Variants in TPST1 observed in about 807,000 individuals in gnomAD.
The protein encoded by TPST1 is protein-tyrosine sulfotransferase 1.
Under a neutral mutation model 34.8 loss-of-function variants are expected in TPST1, and 20 were observed. The observed-to-expected ratio is 0.57, with a 90% confidence interval of 0.40 to 0.84. TPST1 has a LOEUF of 0.84. TPST1 is among the 40% of genes least tolerant of loss of function. The pLI is 0.00. For synonymous variants in TPST1, 152 were observed against 159.4 expected, an observed-to-expected ratio of 0.95 and a Z score of 0.35; for missense variants, 353 against 455.5, an observed-to-expected ratio of 0.78 and a Z score of 2.05.
chr7:66,325,363 C>A (rs902181029), intron 3 of TPST1, among the ~76,000 whole-genome samples: 4 of 152,126 alleles, frequency 2.6e-5, no homozygotes, highest in Non-Finnish European at 5.9e-5. Context: ...CTAACCATAT[C>A]ACTACCATTT....
At chr7:66,210,967 T>A (rs1789229292) in intron 1 of TPST1, among the ~76,000 whole-genome samples, 1 of 152,000 alleles carries the variant, frequency 6.6e-6, no homozygotes, top group South Asian at 2.1e-4. Flanking sequence ...AGACCGTCTG[T>A]CTGTCTGCCA....
chr7:66,272,153 GATATTCTACAAGAAAAGAA>G (rs896138753), intron 2 of TPST1, among the ~76,000 whole-genome samples: 1 of 151,970 alleles, frequency 6.6e-6, no homozygotes, highest in Non-Finnish European at 1.5e-5. Context: ...AAAAAGTATT[GATATTCTACAAGAAAAGAA>G]AATTAGAAGC....
upstream of TPST1, among the ~76,000 whole-genome samples, chr7:66,203,254 G>T (rs570024697): frequency 6.6e-5 from 10 of 150,898 alleles, no homozygotes; most frequent in East Asian, 2.0e-3. Flanking sequence ...TTTTTTTTGG[G>T]TGAGAGGCAA....
At chr7:66,278,968 G>T (rs578166259) in intron 2 of TPST1, among the ~76,000 whole-genome samples, 12 of 152,210 alleles carry the variant, frequency 7.9e-5, no homozygotes, top group African/African-American at 2.9e-4. Flanking sequence ...GGGAGTACAT[G>T]CACAGGTTTG....
chr7:66,350,881 A>G (rs1792463629), intron 3 of TPST1, among the ~76,000 whole-genome samples: 1 of 152,180 alleles, frequency 6.6e-6, no homozygotes, highest in African/African-American at 2.4e-5. Context: ...TACTTAAATG[A>G]TATATGTGTA....
chr7:66,325,357 C>T (rs1447188310), intron 3 of TPST1, among the ~76,000 whole-genome samples: 2 of 152,118 alleles, frequency 1.3e-5, no homozygotes, highest in Non-Finnish European at 2.9e-5. Context: ...CAAAGCCTAA[C>T]CATATCACTA....
At chr7:66,355,489 A>T (rs1012756747) in intron 4 of TPST1, among the ~76,000 whole-genome samples, 10 of 151,956 alleles carry the variant, frequency 6.6e-5, no homozygotes, top group Non-Finnish European at 1.2e-4. Context: ...AAAAAAACAA[A>T]AAACAAACAA....
Position 66,360,196 on chromosome 7 carries a change from G to GA in TPST1, c.*331_*332insA. ...ATTATGACGTTTGTTTTCAAGGAGA[G>GA]GGTTTAAAAATGGGATCCTGTAAGC... On this transcript the variant is annotated 3_prime_UTR_variant, in exon 6 of 6. Transcript: ENST00000304842. 3.2e-6 allele frequency: 1 copy of GA among 310,424 alleles called. No individual in the cohort carries two copies. Among genetic ancestry groups the GA allele is most frequent in the South Asian group, 2.9e-5 (1 of 34,424 alleles). The allele number at this position is 310,424 out of a possible 1,614,324, so 19.2% of individuals were successfully genotyped here. A position where few individuals can be genotyped will look rare whatever the true frequency, so the allele number is the denominator to read the frequency against.
At chr7:66,275,516 C>T (rs919187157) in intron 2 of TPST1, among the ~76,000 whole-genome samples, 1 of 152,186 alleles carries the variant, frequency 6.6e-6, no homozygotes. Flanking sequence ...ATGCGGCATA[C>T]ATACACAATG....
intron 2 of TPST1, among the ~76,000 whole-genome samples, chr7:66,282,928 T>A (rs1168687664): frequency 6.6e-6 from 1 of 152,184 alleles, no homozygotes; most frequent in Non-Finnish European, 1.5e-5. Flanking sequence ...TCCTCCCAAC[T>A]TAGTAGCTTC....
chr7:66,220,962 G>A (rs955308442), intron 1 of TPST1, among the ~76,000 whole-genome samples: 1 of 151,900 alleles, frequency 6.6e-6, no homozygotes, highest in African/African-American at 2.4e-5. Context: ...GTGAAACCCC[G>A]TCTCTACTAA....
At chr7:66,240,061 T>G (rs1226269937) in intron 1 of TPST1, among the ~76,000 whole-genome samples, 1 of 151,262 alleles carries the variant, frequency 6.6e-6, no homozygotes, top group Non-Finnish European at 1.5e-5. Context: ...TTTTTTGTAT[T>G]TTTTTTTAGT....
intron 2 of TPST1, among the ~76,000 whole-genome samples, chr7:66,274,390 G>T (rs955648225): frequency 3.3e-5 from 5 of 151,690 alleles, no homozygotes; most frequent in Non-Finnish European, 5.9e-5. Flanking sequence ...GATCCACTCG[G>T]CCTCTCAAAG....
At chr7:66,260,518 C>A (rs1030182079) in intron 2 of TPST1, among the ~76,000 whole-genome samples, 4 of 152,178 alleles carry the variant, frequency 2.6e-5, no homozygotes, top group African/African-American at 9.7e-5. Flanking sequence ...GTAATTCTAA[C>A]ATCTGTGTTA....
At chr7:66,215,533 C>T (rs1481199377) in intron 1 of TPST1, among the ~76,000 whole-genome samples, 3 of 149,672 alleles carry the variant, frequency 2.0e-5, no homozygotes, top group Non-Finnish European at 4.4e-5. Flanking sequence ...TGCCACCACG[C>T]CCAGCTAATT....
At chr7:66,199,355 T>G in the TPST1 span, among the ~76,000 whole-genome samples, 17 of 145,702 alleles carry the variant, frequency 1.2e-4, no homozygotes, top group Non-Finnish European at 2.4e-4. Flanking sequence ...AGTGCAGTGG[T>G]GCAATCTCAG....
chr7:66,224,392 G>A (rs919357635), intron 1 of TPST1, among the ~76,000 whole-genome samples: 8 of 152,210 alleles, frequency 5.3e-5, no homozygotes, highest in Admixed American at 1.3e-4. Context: ...TGTTTGCCAC[G>A]TTGGTTGGCA....
At chr7:66,210,982 C>G (rs920764725) in intron 1 of TPST1, among the ~76,000 whole-genome samples, 3 of 152,024 alleles carry the variant, frequency 2.0e-5, no homozygotes, top group African/African-American at 7.2e-5. Flanking sequence ...CTGCCACACA[C>G]ACGCGCGCGC....
At chr7:66,298,283 T>G (rs1791243114) in intron 3 of TPST1, among the ~76,000 whole-genome samples, 1 of 152,210 alleles carries the variant, frequency 6.6e-6, no homozygotes, top group South Asian at 2.1e-4. Context: ...CAAATTTTCC[T>G]TACATTTCTA....
Sources: allele counts gnomAD v4.1 joint callset (sites outside exome capture counted in the v4.1 genomes callset), GRCh38; gene constraint gnomAD v4.1.1; transcripts MANE v1.5; gene names NCBI Gene and HGNC (gene_info 2026-07-23, HGNC 2026-07-21).